The following CEP57L1 variants were observed in gnomAD, a reference collection of about 807,000 sequenced individuals.
CEP57L1 encodes the protein centrosomal protein 57 like 1.
CEP57L1 carries 37 observed loss-of-function variants against 61.0 expected under a neutral mutation model. The ratio of observed to expected loss-of-function variants is 0.61; its 90% CI spans 0.47 to 0.80. The LOEUF (loss-of-function observed/expected upper bound fraction) is 0.80. CEP57L1 is among the 30% of genes least tolerant of loss of function. The pLI, the probability that CEP57L1 is intolerant of heterozygous loss-of-function variation, is 0.00. For synonymous variants in CEP57L1, 137 were observed against 162.3 expected, an observed-to-expected ratio of 0.84 and a Z score of 1.19; for missense variants, 422 against 524.7, an observed-to-expected ratio of 0.80 and a Z score of 1.91.
At chr6:109,150,707 A>G (rs1477471866) in intron 4 of CEP57L1, among the ~76,000 whole-genome samples, 1 of 152,032 alleles carries the variant, frequency 6.6e-6, no homozygotes, top group Admixed American at 6.6e-5. Flanking sequence ...CAGAAAAAAA[A>G]AATTACACTC....
chr6:109,172,970 T>G lies in CEP57L1; in HGVS notation c.*10000T>G, dbSNP rs1486882150. 6.6e-6 allele frequency among the ~76,000 whole-genome samples: 1 copy of G among 152,220 alleles called. No homozygotes were observed. The highest frequency in any genetic ancestry group is 1.9e-4 in the East Asian group (1 of 5,190). On this transcript the variant is annotated 3_prime_UTR_variant, in exon 11 of 11. Coordinates refer to ENST00000517392, the MANE Select transcript of CEP57L1 (RefSeq NM_001271852.3). ...AACCGGTCAATTTACCTCAGCCAAGTTGCTTGGACTGCTTTGCTTAATAAT... is the reference window on the plus strand; with the variant it reads ...AACCGGTCAATTTACCTCAGCCAAGGTGCTTGGACTGCTTTGCTTAATAAT...
At chr6:109,095,359 C>T (rs1781555223), upstream of CEP57L1, 1 of 985,700 alleles carries the variant, frequency 1.0e-6, no homozygotes, top group African/African-American at 1.7e-5. Context: ...TTTAAGATCA[C>T]CCTAAAAGTA....
At chr6:109,099,022 A>G (rs1260658) in intron 1 of CEP57L1, among the ~76,000 whole-genome samples, 69,123 of 152,026 alleles carry the variant, frequency 0.45, 18,797 homozygotes, top group African/African-American at 0.76. Context: ...GCCATTTACT[A>G]TTATGGGAAA....
chr6:109,125,259 T>G (rs1003252597), intron 1 of CEP57L1, among the ~76,000 whole-genome samples: 1 of 152,114 alleles, frequency 6.6e-6, no homozygotes, highest in Non-Finnish European at 1.5e-5. Context: ...GTTTAAACAC[T>G]TTAGGAGTCT....
chr6:109,101,720 C>A (rs1181995901), intron 1 of CEP57L1, among the ~76,000 whole-genome samples: 2 of 151,698 alleles, frequency 1.3e-5, no homozygotes, highest in African/African-American at 4.9e-5. Flanking sequence ...GCCGGGTTCA[C>A]GCCATTCTCC....
At chr6:109,161,510 G>A (rs115771150) in intron 10 of CEP57L1, among the ~76,000 whole-genome samples, 1 of 151,860 alleles carries the variant, frequency 6.6e-6, no homozygotes, top group Non-Finnish European at 1.5e-5. Context: ...GCCTCCCCGC[G>A]TTTTATAGGA....
In CEP57L1 at chr6:109,164,173, T is replaced by C. The variant is rs1773944601; in HGVS notation, c.*1203T>C. ...CAAGCTATAGATGTGAAAGAATTTT[T>C]AGGTCAGGATCTTGGGAAGCTAAGG... On this transcript the variant is annotated 3_prime_UTR_variant, in exon 11 of 11. Coordinates refer to ENST00000517392, the MANE Select transcript of CEP57L1 (RefSeq NM_001271852.3). 6.6e-6 allele frequency among the ~76,000 whole-genome samples: 1 copy of C among 152,210 alleles called. No individual in the cohort carries two copies. The highest frequency in any genetic ancestry group is 2.4e-5 in the African/African-American group (1 of 41,454).
intron 1 of CEP57L1, among the ~76,000 whole-genome samples, chr6:109,130,987 A>G (rs891204698): frequency 1.3e-5 from 2 of 152,180 alleles, no homozygotes; most frequent in Non-Finnish European, 2.9e-5. Context: ...TATCCCCTGG[A>G]TTTAGCAGCT....
chr6:109,118,849 G>C (rs1344812085), intron 1 of CEP57L1, among the ~76,000 whole-genome samples: 1 of 152,184 alleles, frequency 6.6e-6, no homozygotes, highest in East Asian at 1.9e-4. Flanking sequence ...ATTCATTTCA[G>C]TTTAGCAAGC....
chr6:109,162,520 G>A (rs1464620201), intron 10 of CEP57L1, among the ~76,000 whole-genome samples: 1 of 151,878 alleles, frequency 6.6e-6, no homozygotes, highest in East Asian at 1.9e-4. Context: ...TCACTAATAG[G>A]AGCAGTAAGC....
intron 1 of CEP57L1, among the ~76,000 whole-genome samples, chr6:109,142,900 T>G (rs1771539502): frequency 6.6e-6 from 1 of 151,928 alleles, no homozygotes. Context: ...TCTCTCTGTT[T>G]CTCTGTTGCT....
chr6:109,106,778 CA>C (rs1407430413), intron 1 of CEP57L1, among the ~76,000 whole-genome samples: 1 of 151,818 alleles, frequency 6.6e-6, no homozygotes, highest in African/African-American at 2.4e-5. Flanking sequence ...ACTAAAAATA[CA>C]AAAAAAGAAA....
At chr6:109,110,179 C>T (rs554545100) in intron 1 of CEP57L1, among the ~76,000 whole-genome samples, 2 of 152,140 alleles carry the variant, frequency 1.3e-5, no homozygotes, top group African/African-American at 4.8e-5. Context: ...GTTTTTATTT[C>T]TCCACATCCT....
intron 4 of CEP57L1, 91 bp downstream of exon 4, chr6:109,150,330 G>T (rs1195671080): frequency 2.0e-6 from 3 of 1,495,282 alleles, no homozygotes; most frequent in Non-Finnish European, 2.7e-6. Context: ...AGGCAAAGGT[G>T]GCATAATGTT....
At chr6:109,123,066 T>C (rs1773160402) in intron 1 of CEP57L1, among the ~76,000 whole-genome samples, 1 of 152,188 alleles carries the variant, frequency 6.6e-6, no homozygotes, top group African/African-American at 2.4e-5. Context: ...GGAATCTGCA[T>C]GTTTATTAAA....
chr6:109,095,465 G>T, upstream of CEP57L1: 1 of 985,854 alleles, frequency 1.0e-6, no homozygotes, highest in Non-Finnish European at 1.2e-6. Context: ...CTGCCGGCGC[G>T]TTTTGTTTGC....
chr6:109,149,793 A>C (rs1376166222), intron 3 of CEP57L1, among the ~76,000 whole-genome samples: 18 of 151,882 alleles, frequency 1.2e-4, no homozygotes, highest in Non-Finnish European at 2.4e-4. Flanking sequence ...CTTTTATTTC[A>C]TTGAGCAGTG....
intron 5 of CEP57L1, among the ~76,000 whole-genome samples, chr6:109,154,465 G>T (rs1773009671): frequency 6.6e-6 from 1 of 151,466 alleles, no homozygotes; most frequent in Non-Finnish European, 1.5e-5. Flanking sequence ...TGTATATATG[G>T]TGCCTGTCAA....
At chr6:109,110,333 T>C (rs1249657043) in intron 1 of CEP57L1, among the ~76,000 whole-genome samples, 2 of 152,264 alleles carry the variant, frequency 1.3e-5, no homozygotes, top group African/African-American at 4.8e-5. Flanking sequence ...GCTGCATAAA[T>C]GTCTTCTTTT....
Sources: allele counts gnomAD v4.1 joint callset (sites outside exome capture counted in the v4.1 genomes callset), GRCh38; gene constraint gnomAD v4.1.1; transcripts MANE v1.5; gene names NCBI Gene and HGNC (gene_info 2026-07-23, HGNC 2026-07-21).